Variants in RECQL4 observed in about 807,000 individuals in gnomAD.
RECQL4 encodes the protein RecQ like helicase 4, also known as ATP-dependent DNA helicase Q4.
RECQL4 carries 158 observed loss-of-function variants against 128.6 expected under a neutral mutation model. That is an observed-to-expected ratio of 1.23 (90% CI 1.08 to 1.40). The LOEUF is 1.40. Ranked by LOEUF, RECQL4 falls within the 40% of genes most tolerant of loss-of-function variation. The pLI is 0.00. For synonymous variants in RECQL4, 996 were observed against 678.9 expected, an observed-to-expected ratio of 1.47 and a Z score of -7.26; for missense variants, 2,293 against 1,649.8, an observed-to-expected ratio of 1.39 and a Z score of -6.75.
intron 10 of RECQL4, 23 bp downstream of exon 10, chr8:144,514,419 C>A: frequency 6.2e-7 from 1 of 1,609,698 alleles, no homozygotes; most frequent in East Asian, 2.2e-5. Context: ...CCTCCCTCAC[C>A]CCTAGGCCCA....
At position 144,512,475 on chromosome 8, in the gene RECQL4, T is replaced by A; in HGVS notation, c.2972A>T (p.Lys991Met). 6.2e-7 allele frequency: 1 copy of A among 1,612,406 alleles called. No homozygotes were observed. The highest frequency in any genetic ancestry group is 8.5e-7 in the Non-Finnish European group (1 of 1,179,766). ...CTCCCAGCCCATGGAGTCCACCAGC[T>A]TGACCATGTCAAACTCCACGGAGCT... Reference protein sequence around the residue: ...GSSSVEFDMVKLVDSMGWELA... With the variant: ...GSSSVEFDMVMLVDSMGWELA... The change falls in exon 17 of 21, where the codon AAG (lysine) becomes ATG (methionine). Residue 991 changes from lysine (K) to methionine (M), a missense_variant. Physicochemically the swap from Lys to Met is moderately conservative, Grantham distance 95. Transcript: ENST00000617875.
Position 144,511,781 on chromosome 8 carries a change from A to G in RECQL4, c.3402T>C (p.Asp1134=), listed in dbSNP as rs371037028. Residue 1134 remains aspartate (D), a synonymous_variant, in exon 20 of 21, where the codon GAT becomes GAC. Transcript: ENST00000617875. ...TGTCGCAGCGGACCTGGTCCTCCCA[A>G]TCCTGGAGCTGTGTGGACAGGCACA... The part of the protein sequence containing the change: ...GPEPGQARLQ[D]WEDQVRCDIR... 6.7e-5 allele frequency: 108 copies of G among 1,612,438 alleles called. No individual in the cohort carries two copies. In the African/African-American group the frequency reaches 1.2e-3, roughly 18 times the overall value.
chr8:144,517,726 C>G lies in RECQL4; in HGVS notation c.59G>C (p.Arg20Pro), dbSNP rs990552711. The change falls in exon 1 of 21, where the codon CGG (arginine) becomes CCG (proline). Residue 20 changes from arginine to proline, a missense_variant. Physicochemically the swap from Arg to Pro is moderately radical, Grantham distance 103 (BLOSUM62 -2). Coordinates refer to ENST00000617875, the MANE Select transcript of RECQL4 (RefSeq NM_004260.4). ...CTGGCTCGGTCGCCGCCCGCGCTGC[C>G]GTCGGAACGCGCGCTCCCACGCCTG... ...RLQAWERAFRRQRGRRPSQDD... is the reference protein window; with the variant it reads ...RLQAWERAFRPQRGRRPSQDD... 3.4e-5 allele frequency: 46 copies of G among 1,352,064 alleles called. No homozygotes were observed. The highest frequency in any genetic ancestry group is 4.2e-5 in the Non-Finnish European group (44 of 1,051,290). 83.8% of individuals were successfully genotyped at this position (1,352,064 alleles called of 1,614,324 possible).
intron 3 of RECQL4, 29 bp from the exon 4 acceptor site, chr8:144,517,219 G>C (rs1239373765): frequency 4.4e-6 from 7 of 1,573,930 alleles, no homozygotes; most frequent in African/African-American, 2.7e-5. Flanking sequence ...GCACAGGCCA[G>C]AAAAGGCTGT....
At chr8:144,515,715 C>T (rs533130716) in intron 6 of RECQL4, 49 bp downstream of exon 6, 10 of 1,599,438 alleles carry the variant, frequency 6.3e-6, no homozygotes, top group East Asian at 2.3e-5. Flanking sequence ...GAGCACTGCG[C>T]CCTCTCCACA....
rs777698581 is a variant in RECQL4, at chr8:144,514,234, G to A, written c.1833C>T (p.Ser611=). The A allele has an allele frequency of 7.4e-6, 12 of 1,612,262 alleles. No homozygotes were observed. Among genetic ancestry groups the A allele is most frequent in the African/African-American group, 1.3e-5 (1 of 74,894 alleles). The change falls in exon 11 of 21, where the codon TCC becomes TCT. Residue 611 remains serine (S), a synonymous_variant. Coordinates refer to ENST00000617875, the MANE Select transcript of RECQL4 (RefSeq NM_004260.4). ...AGGGCCGGAAGTTGTGGGACCACTG[G>A]GAGAGGCAGTGGGCCTCATCAATGC... is the stretch of plus-strand genomic sequence containing the variant. The part of the protein sequence containing the change: ...FACIDEAHCL[S]QWSHNFRPCY...
chr8:144,511,451 G>A lies in RECQL4; in HGVS notation c.3607C>T (p.Leu1203Phe). The change falls in exon 21 of 21, where the codon CTC (leucine) becomes TTC (phenylalanine). Residue 1203 changes from leucine to phenylalanine, a missense_variant. Transcript: ENST00000617875. ...TGCAGTCAGCGGGCCACCTGCAGGA[G>A]CTCTTCCGTGGCCAGGCCCACCAGG... ...HALVGLATEE[L>F]LQVAR The A allele has an allele frequency of 6.2e-7, 1 of 1,612,518 alleles. No homozygotes were observed. Among genetic ancestry groups the A allele is most frequent in the Non-Finnish European group, 8.5e-7 (1 of 1,179,734 alleles).
In RECQL4 at chr8:144,514,362, TC is replaced by T. The variant is rs1827842344; in HGVS notation, c.1705-1del. Reference sequence around the variant, plus strand: ...AGCACGTGTACCTGGGCTGCCCGAATCTGAAGGCAGCAAGATCAGAGGCACA... The same window carrying T: ...AGCACGTGTACCTGGGCTGCCCGAATTGAAGGCAGCAAGATCAGAGGCACA... On this transcript the variant is annotated splice_acceptor_variant, in intron 10 of 20. Transcript: ENST00000617875. LOFTEE classifies it high-confidence loss of function. The T allele has an allele frequency of 6.2e-7, 1 of 1,600,532 alleles. No individual in the cohort carries two copies. The highest frequency in any genetic ancestry group is 1.3e-5 in the African/African-American group (1 of 74,766).
rs763912642 is a variant in RECQL4, at chr8:144,517,526, A to G, written c.119-18T>C. ...GTAGAGCGCTGCGTGGGCGAGCGGG[A>G]GGCGGGGTCAGGGTGGGGCCTGGGC... On this transcript the variant is annotated intron_variant, in intron 2 of 20. Coordinates refer to ENST00000617875, the MANE Select transcript of RECQL4 (RefSeq NM_004260.4). The G allele has an allele frequency of 1.3e-6, 2 of 1,570,734 alleles. No individual in the cohort carries two copies. Among genetic ancestry groups the G allele is most frequent in the Non-Finnish European group, 1.7e-6 (2 of 1,165,468 alleles).
Position 144,512,177 on chromosome 8 carries a change from G to A in RECQL4, c.3203C>T (p.Ala1068Val). ...RVQARERQAL[A>V]RLRRTFQAFH... ...GGCCTGGAAGGTTCTGCGCAGACGG[G>A]CCAGGGCCTGGCGCTCCCGGGCCTG... is the stretch of plus-strand genomic sequence containing the variant. Residue 1068 changes from alanine to valine, a missense_variant, in exon 18 of 21, where the codon GCC becomes GTC. By Grantham distance (64) the Ala-to-Val change is moderately conservative. Coordinates refer to ENST00000617875, the MANE Select transcript of RECQL4 (RefSeq NM_004260.4). The A allele has an allele frequency of 1.2e-6, 2 of 1,611,470 alleles. No individual in the cohort carries two copies. Among genetic ancestry groups the A allele is most frequent in the Non-Finnish European group, 1.7e-6 (2 of 1,179,454 alleles).
At position 144,514,020 on chromosome 8, in the gene RECQL4, G is replaced by C; in HGVS notation, c.1966C>G (p.Leu656Val). 1 of 1,572,622 alleles carries C rather than the reference G, an allele frequency of 6.4e-7. No homozygotes were observed. Among genetic ancestry groups the C allele is most frequent in the Non-Finnish European group, 8.6e-7 (1 of 1,159,994 alleles). ...AGGTCAGGCTCTTCAGCCACAGCCAGGTGCTGTGCCACGTCACTGGCAGTG... is the reference window on the plus strand; with the variant it reads ...AGGTCAGGCTCTTCAGCCACAGCCACGTGCTGTGCCACGTCACTGGCAGTG... The part of the protein sequence containing the change: ...RRTASDVAQH[L>V]AVAEEPDLHG... The change falls in exon 12 of 21, where the codon CTG (leucine) becomes GTG (valine). Residue 656 changes from leucine to valine, a missense_variant. By Grantham distance (32) the Leu-to-Val change is conservative. Coordinates refer to ENST00000617875, the MANE Select transcript of RECQL4 (RefSeq NM_004260.4).
chr8:144,516,367 C>T lies in RECQL4; in HGVS notation c.752G>A (p.Ser251Asn), dbSNP rs1269997113. 1 of 1,610,064 alleles carries T rather than the reference C, an allele frequency of 6.2e-7. No individual in the cohort carries two copies. The highest frequency in any genetic ancestry group is 8.5e-7 in the Non-Finnish European group (1 of 1,179,718). Reference protein sequence around the residue: ...AFQEVSIRVGSPQPSSSGGEK... With the variant: ...AFQEVSIRVGNPQPSSSGGEK... ...GCCTCCACTGCTGCTGGGCTGGGGG[C>T]TCCCCACACGGATGCTGACTTCTTG... Residue 251 changes from serine to asparagine, a missense_variant, in exon 5 of 21, where the codon AGC becomes AAC. Physicochemically the swap from Ser to Asn is conservative, Grantham distance 46. Transcript: ENST00000617875.
Position 144,511,964 on chromosome 8 carries a change from G to T in RECQL4, c.3340C>A (p.Gln1114Lys), listed in dbSNP as rs868635592. ...LGRYFEEEEG[Q>K]EPGGMEDAQG... ...GCGTCCTCCATGCCTCCCGGCTCCT[G>T]CCCTTCCTCTTCCTCAAAGTAGCGG... Residue 1114 changes from glutamine (Q) to lysine (K), a missense_variant, in exon 19 of 21, where the codon CAG becomes AAG. Transcript: ENST00000617875. 6.2e-7 allele frequency: 1 copy of T among 1,611,514 alleles called. No individual in the cohort carries two copies. Among genetic ancestry groups the T allele is most frequent in the African/African-American group, 1.3e-5 (1 of 75,080 alleles).
rs2130709290 is a variant in RECQL4 at position 144,515,473 on chromosome 8, G to A, written c.1259-16C>T. 6.2e-7 allele frequency: 1 copy of A among 1,612,542 alleles called. No homozygotes were observed. The highest frequency in any genetic ancestry group is 8.5e-7 in the Non-Finnish European group (1 of 1,179,812). On this transcript the variant is annotated splice_polypyrimidine_tract_variant and intron_variant, in intron 6 of 20. Transcript: ENST00000617875. ...TCCTCACTTGCTGGGGCAGGCAGGA[G>A]AGGGTAGAATGGGAGCTCCAGGTCG... is the stretch of plus-strand genomic sequence containing the variant.
In RECQL4 at chr8:144,514,952, G is replaced by A. The variant is rs2130702702; in HGVS notation, c.1604C>T (p.Ser535Leu). The change falls in exon 9 of 21, where the codon TCA becomes TTA. Residue 535 changes from serine (S) to leucine (L), a missense_variant. Ser to Leu is a moderately radical substitution (Grantham distance 145). Transcript: ENST00000617875. ...TGTGCACACCTGGTCATCCATGAGT[G>A]ACAGCAGGGGAGAGACGACCAACGT... is the stretch of plus-strand genomic sequence containing the variant. ...CLTLVVSPLL[S>L]LMDDQVSGLP... The A allele has an allele frequency of 6.2e-7, 1 of 1,611,598 alleles. No individual in the cohort carries two copies. Among genetic ancestry groups the A allele is most frequent in the Non-Finnish European group, 8.5e-7 (1 of 1,179,512 alleles).
Position 144,513,078 on chromosome 8 carries a change from C to T in RECQL4, c.2524G>A (p.Val842Met), listed in dbSNP as rs1292755928. The T allele has an allele frequency of 3.2e-6, 5 of 1,578,016 alleles. No individual in the cohort carries two copies. The highest frequency in any genetic ancestry group is 2.3e-5 in the East Asian group (1 of 43,664). ...VHADSTDFLA[V>M]KRLVQRVFPA... ...AACACGCGCTGTACCAGCCTCTTCA[C>T]AGCCAGGAAGTCCGTGCTGTCGGCG... The change falls in exon 15 of 21, where the codon GTG becomes ATG. Residue 842 changes from valine to methionine, a missense_variant. By Grantham distance (21) the Val-to-Met change is conservative (BLOSUM62 1). Coordinates refer to ENST00000617875, the MANE Select transcript of RECQL4 (RefSeq NM_004260.4).
rs1334568728 is a variant in RECQL4 at position 144,512,516 on chromosome 8, G to A, written c.2931C>T (p.Asp977=). The A allele has an allele frequency of 1.9e-6, 3 of 1,612,570 alleles. No homozygotes were observed. The highest frequency in any genetic ancestry group is 2.5e-6 in the Non-Finnish European group (3 of 1,179,816). The change falls in exon 17 of 21, where the codon GAC becomes GAT. Residue 977 remains aspartate, a synonymous_variant. Transcript: ENST00000617875. ...CCACGGAGCTGCTGCCTTGCCCTGG[G>A]TCCTCAGGCAGCTGCTGGGCCAAGC... ...AVCLAQQLPE[D]PGQGSSSVEF...
At position 144,514,037 on chromosome 8, in the gene RECQL4, C is replaced by T. The variant is rs747496472; in HGVS notation, c.1949G>A (p.Ser650Asn). Residue 650 changes from serine to asparagine, a missense_variant, in exon 12 of 21, where the codon AGT becomes AAT. Physicochemically the swap from Ser to Asn is conservative, Grantham distance 46. Transcript: ENST00000617875. ...CACAGCCAGGTGCTGTGCCACGTCACTGGCAGTGCGGCGTGTGGCTGTGGC... is the reference window on the plus strand; with the variant it reads ...CACAGCCAGGTGCTGTGCCACGTCATTGGCAGTGCGGCGTGTGGCTGTGGC... ...LTATATRRTA[S>N]DVAQHLAVAE... 2 of 1,577,814 alleles carry T rather than the reference C, an allele frequency of 1.3e-6. No homozygotes were observed. Among genetic ancestry groups the T allele is most frequent in the Non-Finnish European group, 1.7e-6 (2 of 1,162,858 alleles).
At position 144,512,874 on chromosome 8, in the gene RECQL4, C is replaced by T. The variant is rs374225917; in HGVS notation, c.2728G>A (p.Val910Ile). 9.5e-5 allele frequency: 152 copies of T among 1,598,576 alleles called. No homozygotes were observed. Among genetic ancestry groups the T allele is most frequent in the South Asian group, 2.0e-4 (18 of 89,006 alleles). ...TCCTCCGGCATGTCCAAAGCCTGTA[C>T]GGTAAGCTGTATTGGGAGTGCCCGC... ...HERALPIQLT[V>I]QALDMPEEAI... The change falls in exon 15 of 21, where the codon GTA (valine) becomes ATA (isoleucine). Residue 910 changes from valine to isoleucine, a missense_variant. Val to Ile is a conservative substitution (Grantham distance 29). Coordinates refer to ENST00000617875, the MANE Select transcript of RECQL4 (RefSeq NM_004260.4).
Sources: allele counts gnomAD v4.1 joint callset, GRCh38; gene constraint gnomAD v4.1.1; transcripts MANE v1.5; gene names NCBI Gene and HGNC (gene_info 2026-07-23, HGNC 2026-07-21).